Variants in C3orf20 observed in about 807,000 individuals in gnomAD.
The protein encoded by C3orf20 is uncharacterized protein C3orf20.
A neutral mutation model predicts 88.3 loss-of-function variants in C3orf20; 76 were observed. That is an observed-to-expected ratio of 0.86 (90% CI 0.72 to 1.04). The LOEUF is 1.04. Among genes scored for constraint, C3orf20 ranks in the 50% least tolerant of loss-of-function variants. The probability of loss-of-function intolerance (pLI) is 0.00; values close to 1 mark genes in which losing one functional copy is unlikely to be tolerated. For missense variants in C3orf20, 1,056 were observed against 1,123.3 expected (o/e 0.94, Z 0.86); for synonymous variants, 436 against 437.4 (o/e 1.00, Z 0.04).
rs538632655 is a variant in C3orf20 at position 14,763,329 on chromosome 3, T to C, written c.2495+1714T>C. ...AAGACCAAGGCGCCAATGGATTTGG[T>C]GTCTGGGAAGGGCTGCTTCCTGGTT... On this transcript the variant is annotated intron_variant, in intron 15 of 16. Transcript: ENST00000253697. Among the ~76,000 whole-genome samples, 9 of 152,220 alleles carry C rather than the reference T, an allele frequency of 5.9e-5. 1 individual carries two copies. The South Asian group carries it at 1.9e-3, about 32-fold the overall frequency.
intron 15 of C3orf20, among the ~76,000 whole-genome samples, chr3:14,771,750 T>G (rs1201188199): frequency 6.7e-6 from 1 of 149,820 alleles, no homozygotes; most frequent in Admixed American, 6.6e-5. Context: ...GATGACACAT[T>G]TCCTTTGCCC....
intron 5 of C3orf20, among the ~76,000 whole-genome samples, chr3:14,698,804 G>A (rs2033122354): frequency 6.6e-6 from 1 of 152,150 alleles, no homozygotes; most frequent in African/African-American, 2.4e-5. Flanking sequence ...AAGGCCCTAG[G>A]GATCTACAAT....
At chr3:14,679,783 G>A (rs2031986746) in intron 1 of C3orf20, among the ~76,000 whole-genome samples, 1 of 152,168 alleles carries the variant, frequency 6.6e-6, no homozygotes, top group African/African-American at 2.4e-5. Flanking sequence ...TGGAAGAGAT[G>A]TAAATATACA....
chr3:14,728,489 C>G lies in C3orf20; in HGVS notation c.1741C>G (p.Arg581Gly). ...CAAAAAGGAGGAGGAAGAATTTGTT[C>G]GGTTCAAGATGAGATCCAGAACTCA... Reference protein sequence around the residue: ...PTKKEEEEFVRFKMRSRTHPE... With the variant: ...PTKKEEEEFVGFKMRSRTHPE... Residue 581 changes from arginine (R) to glycine (G), a missense_variant, in exon 12 of 17, where the codon CGG becomes GGG. Arg to Gly is a moderately radical substitution (Grantham distance 125). Coordinates refer to ENST00000253697, the MANE Select transcript of C3orf20 (RefSeq NM_032137.5). 1 of 1,614,102 alleles carries G rather than the reference C, an allele frequency of 6.2e-7. No individual in the cohort carries two copies. The highest frequency in any genetic ancestry group is 8.5e-7 in the Non-Finnish European group (1 of 1,179,988).
At chr3:14,721,442 G>A (rs2034156652) in intron 9 of C3orf20, among the ~76,000 whole-genome samples, 1 of 152,232 alleles carries the variant, frequency 6.6e-6, no homozygotes, top group Admixed American at 6.5e-5. Flanking sequence ...TAGGAATAAG[G>A]AAGCATCATT....
chr3:14,758,742 G>A (rs1332657743), intron 13 of C3orf20, among the ~76,000 whole-genome samples: 2 of 152,098 alleles, frequency 1.3e-5, no homozygotes, highest in Non-Finnish European at 2.9e-5. Context: ...GTCCACCCTC[G>A]GGTCTGTGCT....
At chr3:14,742,008 A>G (rs1051029412) in intron 12 of C3orf20, among the ~76,000 whole-genome samples, 3 of 152,154 alleles carry the variant, frequency 2.0e-5, no homozygotes, top group African/African-American at 7.2e-5. Context: ...AGCTGCTTCT[A>G]CCTCGTCCCT....
intron 6 of C3orf20, 98 bp downstream of exon 6, chr3:14,703,360 G>A: frequency 6.4e-7 from 1 of 1,558,318 alleles, no homozygotes. Flanking sequence ...GACAGTCACA[G>A]AAGTGTGTGA....
In C3orf20 at chr3:14,771,840, G is replaced by A. The variant is rs182180254; in HGVS notation, c.2496-227G>A. ...TTGCTATGGTCAGTGTTGGGGGTGC[G>A]AGTGTAGCAGCATTTGGGTTAGGGC... is the stretch of plus-strand genomic sequence containing the variant. On this transcript the variant is annotated intron_variant, in intron 15 of 16. Coordinates refer to ENST00000253697, the MANE Select transcript of C3orf20 (RefSeq NM_032137.5). Among the ~76,000 whole-genome samples the A allele has an allele frequency of 1.7e-3, 255 of 152,308 alleles. 1 individual carries two copies. The highest frequency in any genetic ancestry group is 1.1e-3 in the Non-Finnish European group (75 of 68,026).
At chr3:14,767,770 A>C (rs2035754972) in intron 15 of C3orf20, among the ~76,000 whole-genome samples, 1 of 152,390 alleles carries the variant, frequency 6.6e-6, no homozygotes, top group East Asian at 1.9e-4. Flanking sequence ...ACCAGAAAGC[A>C]TCTTCTACAC....
chr3:14,729,795 C>T (rs546785693), intron 12 of C3orf20, among the ~76,000 whole-genome samples: 1 of 152,352 alleles, frequency 6.6e-6, no homozygotes, highest in African/African-American at 2.4e-5. Context: ...ATCCACCCGC[C>T]TGGGCTCCCA....
chr3:14,760,109 G>A lies in C3orf20; in HGVS notation c.2352+111G>A. On this transcript the variant is annotated intron_variant, in intron 14 of 16. Transcript: ENST00000253697. ...GGAGGAGAGAGGAGAAGAAGGGAGG[G>A]GCTGCGGAATTATCTCCCCACCGTG... The A allele has an allele frequency of 4.8e-6, 4 of 838,036 alleles. No homozygotes were observed. The South Asian group carries it at 6.0e-5, about 13-fold the overall frequency. 51.9% of individuals were successfully genotyped at this position (838,036 alleles called of 1,614,324 possible). A position where few individuals can be genotyped will look rare whatever the true frequency, so the allele number is the denominator to read the frequency against.
chr3:14,703,701 C>T (rs2033376459), intron 6 of C3orf20, among the ~76,000 whole-genome samples: 1 of 152,212 alleles, frequency 6.6e-6, no homozygotes, highest in African/African-American at 2.4e-5. Context: ...GGCTTTTGTG[C>T]ACTGTTTGTT....
At chr3:14,698,209 C>T (rs532206694) in intron 5 of C3orf20, among the ~76,000 whole-genome samples, 87 of 140,794 alleles carry the variant, frequency 6.2e-4, no homozygotes, top group Middle Eastern at 3.7e-3. Context: ...CTTTGAGTTT[C>T]CTCAAAACAG....
At position 14,701,351 on chromosome 3, in the gene C3orf20, A is replaced by G. The variant is rs1385254803; in HGVS notation, c.746-1779A>G. ...CTGAGAAATGCCCCCACCCAAAGCCAGGTTTCATCCTCAAATCCAAGGTGA... is the reference window on the plus strand; with the variant it reads ...CTGAGAAATGCCCCCACCCAAAGCCGGGTTTCATCCTCAAATCCAAGGTGA... On this transcript the variant is annotated intron_variant, in intron 5 of 16. Transcript: ENST00000253697. This position sits in a 1 kb window ranked among gnomAD's most constrained non-coding sequence, Gnocchi z 4.6. Among the ~76,000 whole-genome samples, 2 of 152,168 alleles carry G rather than the reference A, an allele frequency of 1.3e-5. No homozygotes were observed.
At chr3:14,731,361 C>A (rs1485630027) in intron 12 of C3orf20, among the ~76,000 whole-genome samples, 1 of 152,072 alleles carries the variant, frequency 6.6e-6, no homozygotes, top group Non-Finnish European at 1.5e-5. Flanking sequence ...TCTCAGGGGG[C>A]CCCCACATCA....
chr3:14,693,784 G>C (rs1253026989), intron 5 of C3orf20, among the ~76,000 whole-genome samples: 1 of 152,112 alleles, frequency 6.6e-6, no homozygotes, highest in African/African-American at 2.4e-5. Flanking sequence ...TTAGAGGAAA[G>C]GCTTTCAGTT....
chr3:14,757,178 T>C (rs1337549235), intron 12 of C3orf20, among the ~76,000 whole-genome samples, 193 bp from the exon 13 acceptor site: 1 of 152,180 alleles, frequency 6.6e-6, no homozygotes, highest in African/African-American at 2.4e-5. Flanking sequence ...CTTGTTACTC[T>C]CATTTTGCAC....
intron 5 of C3orf20, among the ~76,000 whole-genome samples, chr3:14,691,012 C>T (rs1376948190): frequency 1.3e-5 from 2 of 152,220 alleles, no homozygotes; most frequent in South Asian, 2.1e-4. Context: ...TCATCATGGG[C>T]GTGCCTTGTA....
Sources: gnomAD v4.1 joint callset for allele counts (sites outside exome capture counted in the v4.1 genomes callset) on GRCh38, gnomAD v4.1.1 for gene constraint, Gnocchi (gnomAD v3.1) non-coding constraint, MANE v1.5 for transcripts, NCBI Gene and HGNC (gene_info 2026-07-23, HGNC 2026-07-21) for gene names.